PXMP2: variants seen among roughly 807,000 people sequenced by gnomAD.
PXMP2 encodes peroxisomal membrane protein 2.
PXMP2 carries 13 observed loss-of-function variants against 20.2 expected under a neutral mutation model. The observed-to-expected ratio is 0.64, with a 90% CI of 0.42 to 1.02. The LOEUF is 1.02. Ranked by LOEUF, PXMP2 falls within the 50% of genes least tolerant of loss-of-function variation. The pLI, the probability that PXMP2 is intolerant of heterozygous loss-of-function variation, is 0.00. For missense variants in PXMP2, 284 were observed against 251.8 expected, an observed-to-expected ratio of 1.13 and a Z score of -0.87; for synonymous variants, 113 against 111.2, an observed-to-expected ratio of 1.02 and a Z score of -0.10.
intron 2 of PXMP2, among the ~76,000 whole-genome samples, chr12:132,692,211 TAGTG>T (rs2043372714): frequency 6.8e-6 from 1 of 147,320 alleles, no homozygotes; most frequent in Non-Finnish European, 1.5e-5. Flanking sequence ...GCCAGTTAGT[TAGTG>T]AGCGCCCTTA....
Position 132,694,748 on chromosome 12 carries a change from C to T in PXMP2, c.237-1136C>T, listed in dbSNP as rs569636790. Among the ~76,000 whole-genome samples the T allele has an allele frequency of 1.4e-4, 14 of 102,492 alleles. No homozygotes were observed. In the South Asian group the frequency reaches 4.4e-3, roughly 32 times the overall value. The allele number at this position is 102,492 out of a possible 152,430, so 67.2% of individuals were successfully genotyped here. On this transcript the variant is annotated intron_variant, in intron 2 of 4. Coordinates refer to ENST00000317479, the MANE Select transcript of PXMP2 (RefSeq NM_018663.3). ...GCTCCCTTGCCAGTTAGTTAGTGAG[C>T]TCCCTTAGTCAGTTAGTGAGTGCCC... is the stretch of plus-strand genomic sequence containing the variant.
intron 2 of PXMP2, among the ~76,000 whole-genome samples, chr12:132,692,661 GCGCCC>G: frequency 6.4e-5 from 9 of 141,434 alleles, no homozygotes; most frequent in African/African-American, 2.5e-4. Flanking sequence ...TAGTTAGTGA[GCGCCC>G]TTAGCCAGTT....
intron 1 of PXMP2, among the ~76,000 whole-genome samples, chr12:132,688,701 T>G (rs1405112737): frequency 5.4e-4 from 1 of 1,864 alleles, no homozygotes; most frequent in African/African-American, 2.0e-3. Context: ...GAGCGGGTCT[T>G]GGGGGCGCGG....
chr12:132,690,491 A>T (rs768596812), intron 2 of PXMP2, 115 bp downstream of exon 2: 54 of 765,928 alleles, frequency 7.1e-5, no homozygotes, highest in Non-Finnish European at 1.1e-4. Flanking sequence ...TTTAAAAACC[A>T]TTGTAGTAAT....
At chr12:132,703,806 G>A (rs2043455460) in intron 4 of PXMP2, among the ~76,000 whole-genome samples, 1 of 152,146 alleles carries the variant, frequency 6.6e-6, no homozygotes, top group Admixed American at 6.6e-5. Context: ...TCCAGGGAGT[G>A]TGACTGAAGA....
At chr12:132,690,454 G>C in intron 2 of PXMP2, 78 bp downstream of exon 2, 3 of 1,040,616 alleles carry the variant, frequency 2.9e-6, no homozygotes, top group Non-Finnish European at 4.3e-6. Context: ...CGAGTAGTTG[G>C]AGTACTCTTA....
At chr12:132,690,398 G>A (rs1262411665) in intron 2 of PXMP2, 22 bp downstream of exon 2, 4 of 1,582,646 alleles carry the variant, frequency 2.5e-6, no homozygotes, top group Non-Finnish European at 2.6e-6. Context: ...ACAAGGGGTG[G>A]GTTTACCTTG....
rs770897237 is a variant in PXMP2 at position 132,704,633 on chromosome 12, C to T, written c.534C>T (p.Phe178=). 7.5e-6 allele frequency: 11 copies of T among 1,462,354 alleles called. No homozygotes were observed. The Admixed American group carries it at 7.6e-5, about 10-fold the overall frequency. The allele number at this position is 1,462,354 out of a possible 1,614,324, so 90.6% of individuals were successfully genotyped here. A position where few individuals can be genotyped will look rare whatever the true frequency, so the allele number is the denominator to read the frequency against. ...NYVPLKFRVL[F]ANLAALFWYA... ...CTTTTCGGCAGTTCCGGGTGCTCTT[C>T]GCCAACCTGGCAGCTCTGTTCTGGT... is the stretch of plus-strand genomic sequence containing the variant. The change falls in exon 5 of 5, where the codon TTC becomes TTT. Residue 178 remains phenylalanine, a synonymous_variant. Coordinates refer to ENST00000317479, the MANE Select transcript of PXMP2 (RefSeq NM_018663.3).
chr12:132,687,675 C>T lies in PXMP2; in HGVS notation c.5C>T (p.Ala2Val), dbSNP rs1249929967. Residue 2 changes from alanine (A) to valine (V), a missense_variant, in exon 1 of 5, where the codon GCG becomes GTG. Physicochemically the swap from Ala to Val is moderately conservative, Grantham distance 64. Transcript: ENST00000317479. ...CGGCACGGCGCTGGGGAGGCGATGG[C>T]GCCGGCCGCGTCCAGGCTGCGGGCC... M[A>V]PAASRLRAEA... 7 of 1,173,196 alleles carry T rather than the reference C, an allele frequency of 6.0e-6. No homozygotes were observed. The highest frequency in any genetic ancestry group is 7.3e-6 in the Non-Finnish European group (7 of 955,272). 72.7% of individuals were successfully genotyped at this position (1,173,196 alleles called of 1,614,324 possible). A position where few individuals can be genotyped will look rare whatever the true frequency, so the allele number is the denominator to read the frequency against.
intron 2 of PXMP2, among the ~76,000 whole-genome samples, chr12:132,694,251 T>G (rs1234672619): frequency 1.8e-4 from 17 of 96,208 alleles, no homozygotes; most frequent in East Asian, 3.3e-4. Context: ...TGAGCTCCCT[T>G]AGCCAGTTAG....
In PXMP2 at chr12:132,701,290, G is replaced by T; in HGVS notation, c.440G>T (p.Gly147Val). Residue 147 changes from glycine (G) to valine (V), a missense_variant, in exon 4 of 5, where the codon GGC (glycine) becomes GTC (valine). Coordinates refer to ENST00000317479, the MANE Select transcript of PXMP2 (RefSeq NM_018663.3). ...GCCTTCGCCGCCAAGATGAGGGGGGGCTTCTGGCCGGCGCTGAGGATGAAC... is the reference window on the plus strand; with the variant it reads ...GCCTTCGCCGCCAAGATGAGGGGGGTCTTCTGGCCGGCGCTGAGGATGAAC... ...ASAFAAKMRG[G>V]FWPALRMNWR... The T allele has an allele frequency of 1.9e-6, 3 of 1,612,822 alleles. No homozygotes were observed. Among genetic ancestry groups the T allele is most frequent in the Non-Finnish European group, 2.5e-6 (3 of 1,179,632 alleles).
At chr12:132,699,966 T>G (rs192601788) in intron 3 of PXMP2, among the ~76,000 whole-genome samples, 249 of 152,314 alleles carry the variant, frequency 1.6e-3, no homozygotes, top group Non-Finnish European at 2.6e-3. Context: ...AGGGCTGTAC[T>G]AATTTGCATT....
chr12:132,697,824 T>A (rs2043418643), intron 3 of PXMP2, among the ~76,000 whole-genome samples: 1 of 152,128 alleles, frequency 6.6e-6, no homozygotes, highest in Non-Finnish European at 1.5e-5. Flanking sequence ...ACAGAAGAGT[T>A]CCGGGCCTGG....
At chr12:132,702,169 G>A (rs1011938852) in intron 4 of PXMP2, among the ~76,000 whole-genome samples, 6 of 152,274 alleles carry the variant, frequency 3.9e-5, no homozygotes, top group African/African-American at 9.6e-5. Flanking sequence ...CCTGAAGGCA[G>A]GCACTGTGCG....
intron 4 of PXMP2, chr12:132,701,589 A>C: frequency 1.6e-6 from 1 of 606,508 alleles, no homozygotes; most frequent in Non-Finnish European, 2.7e-6. Context: ...GGGATTCAGG[A>C]AGCAACAGAG....
chr12:132,690,229 C>A lies in PXMP2; in HGVS notation c.123-34C>A. 3 of 1,547,510 alleles carry A rather than the reference C, an allele frequency of 1.9e-6. No homozygotes were observed. The South Asian group carries it at 3.3e-5, about 17-fold the overall frequency. On this transcript the variant is annotated intron_variant, in intron 1 of 4. Transcript: ENST00000317479. ...GGGAAAGGGACACCCTCCTGCTGGT[C>A]ACTGCTGTTTTCTGATGACCTCCCT... is the stretch of plus-strand genomic sequence containing the variant.
At chr12:132,699,233 AGAGT>A (rs1480969276) in intron 3 of PXMP2, among the ~76,000 whole-genome samples, 2 of 152,164 alleles carry the variant, frequency 1.3e-5, no homozygotes, top group African/African-American at 4.8e-5. Flanking sequence ...CCTGGGCAAC[AGAGT>A]GAGACCCCTT....
chr12:132,692,163 G>C (rs1433410338), intron 2 of PXMP2, among the ~76,000 whole-genome samples: 6 of 144,232 alleles, frequency 4.2e-5, no homozygotes, highest in African/African-American at 1.6e-4. Flanking sequence ...TTGCCAGTTA[G>C]TGAGCTCCCT....
intron 1 of PXMP2, among the ~76,000 whole-genome samples, chr12:132,689,287 C>T (rs559141897): frequency 1.4e-5 from 2 of 146,066 alleles, no homozygotes; most frequent in East Asian, 4.2e-4. Context: ...AGCGAGTCTG[C>T]GGGGCGCGGG....
Sources: gnomAD v4.1 joint callset for allele counts (sites outside exome capture counted in the v4.1 genomes callset) on GRCh38, gnomAD v4.1.1 for gene constraint, MANE v1.5 for transcripts, NCBI Gene and HGNC (gene_info 2026-07-23, HGNC 2026-07-21) for gene names.